The following SMIM35 variants were observed in gnomAD, a reference collection of about 807,000 sequenced individuals.
SMIM35 encodes TMPRSS4 antisense RNA 1 (non-protein coding).
intron 1 of SMIM35, among the ~76,000 whole-genome samples, chr11:118,043,182 A>G (rs1944034336): frequency 6.6e-6 from 1 of 152,352 alleles, no homozygotes. Flanking sequence ...AGGTATCCAG[A>G]TTGGAAAGGA....
At chr11:118,033,599 A>G (rs540983362) in intron 1 of SMIM35, among the ~76,000 whole-genome samples, 46 of 152,286 alleles carry the variant, frequency 3.0e-4, no homozygotes, top group African/African-American at 1.1e-3. Context: ...GCCTGCACTT[A>G]CTCAAACATG....
intron 1 of SMIM35, among the ~76,000 whole-genome samples, chr11:118,072,533 G>A (rs1278491414): frequency 6.6e-6 from 1 of 152,066 alleles, no homozygotes; most frequent in Non-Finnish European, 1.5e-5. Context: ...ACAAATTACT[G>A]TAGCTAAGCA....
chr11:118,036,760 G>T (rs2058362082), intron 1 of SMIM35, among the ~76,000 whole-genome samples: 1 of 151,814 alleles, frequency 6.6e-6, no homozygotes. Context: ...GCTTGCCTCT[G>T]CTCCTTTTTT....
At chr11:118,031,029 G>A (rs2058315386) in intron 1 of SMIM35, among the ~76,000 whole-genome samples, 1 of 152,146 alleles carries the variant, frequency 6.6e-6, no homozygotes, top group South Asian at 2.1e-4. Context: ...CAATATCGAT[G>A]TTGATTACAT....
At chr11:118,039,166 A>C (rs1166802492) in intron 1 of SMIM35, among the ~76,000 whole-genome samples, 1 of 152,160 alleles carries the variant, frequency 6.6e-6, no homozygotes, top group Non-Finnish European at 1.5e-5. Flanking sequence ...GCAGAGCAAA[A>C]ATGAAGGGAG....
chr11:118,015,930 G>A (rs974198383), intron 1 of SMIM35, 121 bp from the exon 2 acceptor site: 9 of 397,814 alleles, frequency 2.3e-5, no homozygotes, highest in African/African-American at 1.6e-4. Context: ...TGGGAGCCTT[G>A]CTCTGAGCCC....
intron 1 of SMIM35, among the ~76,000 whole-genome samples, chr11:118,019,902 G>A (rs935044266): frequency 6.6e-6 from 1 of 151,982 alleles, no homozygotes; most frequent in South Asian, 2.1e-4. Context: ...ATTGGTCTAC[G>A]TGTCTGTCAC....
chr11:118,045,589 A>G (rs1472837286), intron 1 of SMIM35, among the ~76,000 whole-genome samples: 3 of 152,244 alleles, frequency 2.0e-5, no homozygotes, highest in Non-Finnish European at 4.4e-5. Flanking sequence ...CATGATTTTC[A>G]TCTTTTGCAA....
intron 1 of SMIM35, among the ~76,000 whole-genome samples, chr11:118,021,587 A>T (rs539377259): frequency 6.6e-6 from 1 of 152,278 alleles, no homozygotes; most frequent in South Asian, 2.1e-4. Context: ...AGTCACATAT[A>T]AAAGGGAAAA....
intron 1 of SMIM35, among the ~76,000 whole-genome samples, chr11:118,019,630 A>T (rs2058209715): frequency 6.6e-6 from 1 of 151,902 alleles, no homozygotes; most frequent in East Asian, 1.9e-4. Context: ...AAATTTATCT[A>T]TTTGTGCTTT....
chr11:118,012,048 C>T (rs773184403), intron 4 of SMIM35, among the ~76,000 whole-genome samples: 8 of 152,194 alleles, frequency 5.3e-5, no homozygotes, highest in Non-Finnish European at 1.0e-4. Context: ...GAACCCAAAA[C>T]GAGAAATGAG....
intron 1 of SMIM35, among the ~76,000 whole-genome samples, chr11:118,071,183 T>C (rs640421): frequency 0.75 from 113,931 of 152,116 alleles, 42,870 homozygotes; most frequent in Admixed American, 0.8. Flanking sequence ...CCCTCACCCC[T>C]ACCCTCAAGT....
At chr11:118,036,982 C>T (rs544563931) in intron 1 of SMIM35, among the ~76,000 whole-genome samples, 18 of 152,250 alleles carry the variant, frequency 1.2e-4, no homozygotes, top group African/African-American at 2.9e-4. Flanking sequence ...AGTGAGCTCT[C>T]CTTACTGGTT....
rs2058170094 is a variant in SMIM35, at chr11:118,014,754, T to C, written c.125-13A>G. 2.5e-6 allele frequency: 1 copy of C among 398,562 alleles called. No homozygotes were observed. Among genetic ancestry groups the C allele is most frequent in the Non-Finnish European group, 4.4e-6 (1 of 226,010 alleles). The allele number at this position is 398,562 out of a possible 1,614,324, so 24.7% of individuals were successfully genotyped here. ...ACAAAATTAGGCCCTAGGAAGACAA[T>C]CCAAAAAGAGAGGGTTAGCACCTCC... On this transcript the variant is annotated splice_polypyrimidine_tract_variant and intron_variant, in intron 2 of 4. Coordinates refer to ENST00000689828, the MANE Select transcript of SMIM35 (RefSeq NM_001394165.1).
At chr11:118,021,668 T>C (rs889452090) in intron 1 of SMIM35, among the ~76,000 whole-genome samples, 2 of 152,074 alleles carry the variant, frequency 1.3e-5, no homozygotes, top group Admixed American at 1.3e-4. Flanking sequence ...ACAAAAACGA[T>C]TTTAAAACAA....
intron 1 of SMIM35, among the ~76,000 whole-genome samples, chr11:118,042,157 TAAAC>T (rs1944016221): frequency 1.6e-5 from 2 of 121,492 alleles, no homozygotes; most frequent in African/African-American, 6.2e-5. Flanking sequence ...AAATAGAAAA[TAAAC>T]AATAGAGAAC....
intron 1 of SMIM35, among the ~76,000 whole-genome samples, chr11:118,085,203 TGGA>T (rs1032959064): frequency 6.7e-6 from 1 of 149,556 alleles, no homozygotes; most frequent in African/African-American, 2.4e-5. Context: ...GTTCTACAGA[TGGA>T]GGAGTCAGAT....
Position 118,021,320 on chromosome 11 carries a change from G to C in SMIM35, c.8-5511C>G, listed in dbSNP as rs146753952. The stretch of plus-strand genomic sequence containing the variant: ...TTTGTCACTCTAAACTTCAGTCTTA[G>C]ATATTTTTTTCTGGGCCTATCTTCT... On this transcript the variant is annotated intron_variant, in intron 1 of 4. Coordinates refer to ENST00000689828, the MANE Select transcript of SMIM35 (RefSeq NM_001394165.1). Among the ~76,000 whole-genome samples, 1,194 of 152,114 alleles carry C rather than the reference G, an allele frequency of 7.8e-3. 17 individuals carry two copies. The highest frequency in any genetic ancestry group is 8.1e-3 in the Non-Finnish European group (552 of 67,952).
intron 4 of SMIM35, among the ~76,000 whole-genome samples, chr11:118,007,947 G>C (rs2058130293): frequency 6.6e-6 from 1 of 150,482 alleles, no homozygotes; most frequent in African/African-American, 2.5e-5. Flanking sequence ...TCAGCTCTCT[G>C]CAACATCTGC....
Sources: allele counts gnomAD v4.1 joint callset (sites outside exome capture counted in the v4.1 genomes callset), GRCh38; gene constraint gnomAD v4.1.1; transcripts MANE v1.5; gene names NCBI Gene and HGNC (gene_info 2026-07-23, HGNC 2026-07-21).